CDH20: variants seen among roughly 807,000 people sequenced by gnomAD.
CDH20 encodes cadherin 20, also known as cadherin-20.
CDH20 carries 29 observed loss-of-function variants against 74.2 expected under a neutral mutation model. That is an observed-to-expected ratio of 0.39 (90% CI 0.29 to 0.53). CDH20 has a LOEUF of 0.53. Ranked by LOEUF, CDH20 falls within the 20% of genes least tolerant of loss-of-function variation. The pLI is 0.69. For missense variants in CDH20, 988 were observed against 1,048.3 expected (o/e 0.94, Z 0.79); for synonymous variants, 469 against 405.4 (o/e 1.16, Z -1.88).
intron 2 of CDH20, among the ~76,000 whole-genome samples, chr18:61,496,138 TTCCTCTCCTCCTCTCTCCTCCCC>T (rs1718526471): frequency 1.2e-4 from 2 of 17,350 alleles, no homozygotes; most frequent in African/African-American, 2.2e-4. Flanking sequence ...CTCTCCTCCC[TTCCTCTCCTCCTCTCTCCTCCCC>T]TCCTCTCCCC....
At chr18:61,487,221 T>C (rs1910798515) in intron 1 of CDH20, among the ~76,000 whole-genome samples, 1 of 152,206 alleles carries the variant, frequency 6.6e-6, no homozygotes, top group African/African-American at 2.4e-5. Context: ...TCTTCTTTTA[T>C]AAGAACAACA....
intron 1 of CDH20, among the ~76,000 whole-genome samples, chr18:61,362,390 T>C (rs887377423): frequency 1.3e-5 from 2 of 152,154 alleles, no homozygotes; most frequent in Admixed American, 1.3e-4. Context: ...TGGCCCAATG[T>C]CCTTTCCACT....
chr18:61,533,718 C>A (rs188721298), intron 7 of CDH20, among the ~76,000 whole-genome samples: 24 of 152,208 alleles, frequency 1.6e-4, no homozygotes, highest in Admixed American at 6.5e-4. Flanking sequence ...TGGAGCTTTT[C>A]CCCTAAGGTT....
intron 3 of CDH20, among the ~76,000 whole-genome samples, chr18:61,499,781 G>C (rs1911299272): frequency 6.6e-6 from 1 of 152,142 alleles, no homozygotes. Flanking sequence ...TCATAAGGGA[G>C]AAATATTTTG....
At chr18:61,511,040 G>A (rs1324122667) in intron 6 of CDH20, among the ~76,000 whole-genome samples, 1 of 147,516 alleles carries the variant, frequency 6.8e-6, no homozygotes, top group Non-Finnish European at 1.5e-5. Context: ...AAGCTGGGGT[G>A]TGGTGGCACA....
intron 6 of CDH20, among the ~76,000 whole-genome samples, chr18:61,515,807 T>C (rs1309667330): frequency 4.6e-4 from 67 of 146,848 alleles, no homozygotes; most frequent in Admixed American, 1.2e-3. Context: ...AGGGATAGCA[T>C]TGGGAGATAT....
chr18:61,538,775 C>T (rs1009906273), intron 8 of CDH20, among the ~76,000 whole-genome samples: 15 of 151,494 alleles, frequency 9.9e-5, no homozygotes, highest in Middle Eastern at 3.4e-3. Flanking sequence ...CCCGCCACCA[C>T]GCCTGGCTAA....
intron 1 of CDH20, among the ~76,000 whole-genome samples, chr18:61,461,885 C>T (rs918223171): frequency 6.6e-6 from 1 of 152,134 alleles, no homozygotes. Flanking sequence ...CACTCCTATG[C>T]GAACGTCTGA....
intron 1 of CDH20, among the ~76,000 whole-genome samples, chr18:61,371,751 A>G (rs1332069022): frequency 6.6e-6 from 1 of 152,064 alleles, no homozygotes; most frequent in African/African-American, 2.4e-5. Flanking sequence ...TTTGTGACAA[A>G]TATGATTATT....
At position 61,503,110 on chromosome 18, in the gene CDH20, C is replaced by T. The variant is rs2144322749; in HGVS notation, c.819C>T (p.Arg273=). Residue 273 remains arginine (R), a synonymous_variant, in exon 5 of 12, where the codon CGC becomes CGT. Transcript: ENST00000262717. ...TLSDVNDNPP[R]FPQKHYQMSV... is the part of the protein sequence containing the mutation. ...CAGATGTCAATGATAACCCACCCCG[C>T]TTTCCCCAGAGTGAGTACCTAACCC... The T allele has an allele frequency of 6.2e-7, 1 of 1,607,968 alleles. No homozygotes were observed. The highest frequency in any genetic ancestry group is 1.1e-5 in the South Asian group (1 of 89,816).
intron 1 of CDH20, among the ~76,000 whole-genome samples, chr18:61,409,501 C>T (rs1912429263): frequency 6.6e-6 from 1 of 152,194 alleles, no homozygotes. Flanking sequence ...GGCCCAGCCA[C>T]TTGCCAGCTC....
intron 1 of CDH20, among the ~76,000 whole-genome samples, chr18:61,436,237 TAC>T (rs1001890863): frequency 8.5e-4 from 130 of 152,324 alleles, no homozygotes; most frequent in African/African-American, 3.1e-3. Context: ...AACATTCACA[TAC>T]AAGATTTTGT....
chr18:61,409,825 C>G (rs1293837668), intron 1 of CDH20, among the ~76,000 whole-genome samples: 1 of 152,054 alleles, frequency 6.6e-6, no homozygotes, highest in African/African-American at 2.4e-5. Context: ...TAGCTGAGCT[C>G]CAGCCAATCA....
chr18:61,457,390 C>A (rs116570670), intron 1 of CDH20, among the ~76,000 whole-genome samples: 77 of 152,062 alleles, frequency 5.1e-4, no homozygotes, highest in African/African-American at 1.7e-3. Flanking sequence ...TAACAACCAC[C>A]CTAAAAGTCA....
chr18:61,460,690 C>A (rs756463683), intron 1 of CDH20, among the ~76,000 whole-genome samples: 4 of 152,182 alleles, frequency 2.6e-5, no homozygotes, highest in Non-Finnish European at 4.4e-5. Context: ...GGACTCTGGT[C>A]TCAAAATAAA....
At chr18:61,432,961 T>C (rs1035833856) in intron 1 of CDH20, among the ~76,000 whole-genome samples, 1 of 152,160 alleles carries the variant, frequency 6.6e-6, no homozygotes, top group Non-Finnish European at 1.5e-5. Context: ...AGAAAAAACA[T>C]ACACCACATA....
At chr18:61,438,866 A>G (rs1376856781) in intron 1 of CDH20, among the ~76,000 whole-genome samples, 1 of 152,210 alleles carries the variant, frequency 6.6e-6, no homozygotes, top group African/African-American at 2.4e-5. Context: ...GGTACCCATC[A>G]ATGGTGGATT....
At chr18:61,536,676 T>C (rs371338027) in intron 8 of CDH20, 47 bp downstream of exon 8, 3 of 1,551,214 alleles carry the variant, frequency 1.9e-6, no homozygotes, top group Non-Finnish European at 2.6e-6. Context: ...AAAATATAGG[T>C]GTTATAGAAA....
intron 1 of CDH20, among the ~76,000 whole-genome samples, chr18:61,384,814 A>G (rs1459076614): frequency 1.3e-5 from 2 of 152,230 alleles, no homozygotes; most frequent in African/African-American, 4.8e-5. Context: ...GAAGCCAAGT[A>G]CTTTATCCCA....
Sources: gnomAD v4.1 joint callset for allele counts (sites outside exome capture counted in the v4.1 genomes callset) on GRCh38, gnomAD v4.1.1 for gene constraint, MANE v1.5 for transcripts, NCBI Gene and HGNC (gene_info 2026-07-23, HGNC 2026-07-21) for gene names.